Variants in LGR6 observed in about 807,000 individuals in gnomAD.
LGR6 encodes leucine rich repeat containing G protein-coupled receptor 6, also known as leucine-rich repeat-containing G protein-coupled receptor 6.
Under a neutral mutation model 69.4 loss-of-function variants are expected in LGR6, and 45 were observed. That is an observed-to-expected ratio of 0.65 (90% CI 0.51 to 0.83). The LOEUF is 0.83. LGR6 is among the 40% of genes least tolerant of loss of function. The pLI, the probability that LGR6 is intolerant of heterozygous loss-of-function variation, is 0.00. For synonymous variants in LGR6, 538 were observed against 555.0 expected (o/e 0.97, Z 0.43); for missense variants, 1,108 against 1,246.7 (o/e 0.89, Z 1.68).
intron 10 of LGR6, 73 bp from the exon 11 acceptor site, chr1:202,304,486 G>A (rs1667831748): frequency 9.1e-7 from 1 of 1,102,522 alleles, no homozygotes; most frequent in Non-Finnish European, 1.4e-6. Context: ...ATCAGGTCCA[G>A]AGCTGGAGCG....
chr1:202,216,476 C>T (rs1362684367), intron 1 of LGR6, among the ~76,000 whole-genome samples: 3 of 152,194 alleles, frequency 2.0e-5, no homozygotes, highest in African/African-American at 7.2e-5. Flanking sequence ...ATACAGGAGC[C>T]ACTATCTTTA....
At chr1:202,302,633 G>A (rs1258336737) in intron 9 of LGR6, among the ~76,000 whole-genome samples, 4 of 151,956 alleles carry the variant, frequency 2.6e-5, no homozygotes, top group Non-Finnish European at 4.4e-5. Context: ...TGCAACCTCC[G>A]CCTCCTGGGT....
At chr1:202,205,875 C>T in intron 1 of LGR6, among the ~76,000 whole-genome samples, 1 of 146,538 alleles carries the variant, frequency 6.8e-6, no homozygotes, top group South Asian at 2.2e-4. Flanking sequence ...AAACACACAC[C>T]CGTCCTTCAA....
chr1:202,203,977 A>T (rs1360978651), intron 1 of LGR6: 1 of 813,868 alleles, frequency 1.2e-6, no homozygotes, highest in Non-Finnish European at 2.2e-6. Flanking sequence ...TATGTTCACT[A>T]TGTCTTTGTA....
In LGR6 at chr1:202,318,072, G is replaced by A. The variant is rs1243165603; in HGVS notation, c.1769G>A (p.Gly590Glu). 2 of 1,614,058 alleles carry A rather than the reference G, an allele frequency of 1.2e-6. No homozygotes were observed. Among genetic ancestry groups the A allele is most frequent in the Admixed American group, 3.3e-5 (2 of 60,010 alleles). The change falls in exon 18 of 18, where the codon GGG (glycine) becomes GAG (glutamate). Residue 590 changes from glycine (G) to glutamate (E), a missense_variant. Gly to Glu is a moderately conservative substitution (Grantham distance 98). Transcript: ENST00000367278. ...GLVLLTVFAG[G>E]PVPLPPVKFV... is the part of the protein sequence containing the mutation. ...GTGCTGCTGACCGTGTTCGCTGGCG[G>A]GCCTGTCCCCCTGCCCCCGGTCAAG... is the stretch of plus-strand genomic sequence containing the variant.
chr1:202,193,951 C>A lies in LGR6; in HGVS notation c.-39C>A, dbSNP rs1012416262. 8.0e-6 allele frequency: 10 copies of A among 1,251,482 alleles called. No homozygotes were observed. The highest frequency in any genetic ancestry group is 1.6e-5 in the African/African-American group (1 of 63,060). 77.5% of individuals were successfully genotyped at this position (1,251,482 alleles called of 1,614,324 possible). A position where few individuals can be genotyped will look rare whatever the true frequency, so the allele number is the denominator to read the frequency against. ...CTGCGGCCATCGCGCCGTGCGTCCGCGCCCGGCCGCCAGGTGCCCCAGTAG... is the reference window on the plus strand; with the variant it reads ...CTGCGGCCATCGCGCCGTGCGTCCGAGCCCGGCCGCCAGGTGCCCCAGTAG... On this transcript the variant is annotated 5_prime_UTR_variant, in exon 1 of 18. Coordinates refer to ENST00000367278, the MANE Select transcript of LGR6 (RefSeq NM_001017403.2).
At position 202,261,278 on chromosome 1, in the gene LGR6, C is replaced by T. The variant is rs530395679; in HGVS notation, c.429-15028C>T. Among the ~76,000 whole-genome samples, 23 of 146,554 alleles carry T rather than the reference C, an allele frequency of 1.6e-4. No homozygotes were observed. In the South Asian group the frequency reaches 5.2e-3, roughly 33 times the overall value. ...TCCCCAGAGTGTGATGTTCCCCTTC[C>T]TGTGTCCATGTGTTCTCAGTGTTCA... On this transcript the variant is annotated intron_variant, in intron 4 of 17. Transcript: ENST00000367278.
At chr1:202,230,107 C>T (rs1660894886) in intron 3 of LGR6, among the ~76,000 whole-genome samples, 2 of 151,458 alleles carry the variant, frequency 1.3e-5, no homozygotes, top group South Asian at 2.1e-4. Flanking sequence ...TGAGTGGCCT[C>T]TTCTTATTTC....
chr1:202,311,385 C>T (rs145821123), intron 16 of LGR6, among the ~76,000 whole-genome samples: 130 of 152,290 alleles, frequency 8.5e-4, no homozygotes, highest in African/African-American at 2.9e-3. Flanking sequence ...ATTGGCTGGG[C>T]GCGGTGGCTC....
At chr1:202,297,315 A>G (rs1159814756) in intron 6 of LGR6, among the ~76,000 whole-genome samples, 193 bp from the exon 7 acceptor site, 1 of 152,178 alleles carries the variant, frequency 6.6e-6, no homozygotes, top group Non-Finnish European at 1.5e-5. Flanking sequence ...GGAAGATTCC[A>G]CGCCTGAGGA....
intron 16 of LGR6, 117 bp from the exon 17 acceptor site, chr1:202,314,685 G>T: frequency 2.7e-6 from 2 of 731,578 alleles, no homozygotes; most frequent in South Asian, 3.2e-5. Context: ...TTGCTAGAAT[G>T]AACAGTGCTG....
At chr1:202,296,937 A>G (rs894108400) in intron 6 of LGR6, among the ~76,000 whole-genome samples, 9 of 152,224 alleles carry the variant, frequency 5.9e-5, no homozygotes, top group Non-Finnish European at 1.0e-4. Flanking sequence ...AATTACCTTT[A>G]TAATTTTCTG....
In LGR6 at chr1:202,304,380, G is replaced by A. The variant is rs1477667030; in HGVS notation, c.999-179G>A. The stretch of plus-strand genomic sequence containing the variant: ...GCCCAAGGGAGCTTGGTGCTCAGAT[G>A]CCAGTGTCTGCTCGTTTTTGTCCCC... On this transcript the variant is annotated intron_variant, in intron 10 of 17. Coordinates refer to ENST00000367278, the MANE Select transcript of LGR6 (RefSeq NM_001017403.2). 4.6e-5 allele frequency among the ~76,000 whole-genome samples: 7 copies of A among 151,994 alleles called. No individual in the cohort carries two copies. The South Asian group carries it at 1.3e-3, about 27-fold the overall frequency.
rs902700573 is a variant in LGR6, at chr1:202,207,114, C to T, written c.212+12913C>T. Among the ~76,000 whole-genome samples the T allele has an allele frequency of 3.3e-5, 5 of 151,906 alleles. No individual in the cohort carries two copies. The East Asian group carries it at 5.8e-4, about 18-fold the overall frequency. On this transcript the variant is annotated intron_variant, in intron 1 of 17. Coordinates refer to ENST00000367278, the MANE Select transcript of LGR6 (RefSeq NM_001017403.2). The stretch of plus-strand genomic sequence containing the variant: ...TGTATTTTTAGTAGAGACGGGTTTT[C>T]GCCATGTGGCCAGGCTGGTCTCGAA...
Position 202,227,946 on chromosome 1 carries a change from G to A in LGR6, c.295G>A (p.Gly99Arg). The A allele has an allele frequency of 6.2e-7, 1 of 1,613,634 alleles. No individual in the cohort carries two copies. Among genetic ancestry groups the A allele is most frequent in the Non-Finnish European group, 8.5e-7 (1 of 1,179,646 alleles). Residue 99 changes from glycine (G) to arginine (R), a missense_variant, in exon 3 of 18, where the codon GGG (glycine) becomes AGG (arginine). Coordinates refer to ENST00000367278, the MANE Select transcript of LGR6 (RefSeq NM_001017403.2). ...LRFLEELRLSGNHLSHIPGQA... is the reference protein window; with the variant it reads ...LRFLEELRLSRNHLSHIPGQA... ...GTCTCTGATTTCCAGGCGTCTCTCT[G>A]GGAACCATCTCTCACACATCCCAGG... is the stretch of plus-strand genomic sequence containing the variant.
chr1:202,293,498 A>G (rs1042032977), intron 6 of LGR6, among the ~76,000 whole-genome samples: 12 of 151,844 alleles, frequency 7.9e-5, no homozygotes, highest in African/African-American at 2.7e-4. Flanking sequence ...TCTAGATAGG[A>G]GTGGGTTTTT....
chr1:202,214,295 T>C (rs1659610957), intron 1 of LGR6: 6 of 1,459,484 alleles, frequency 4.1e-6, no homozygotes, highest in Non-Finnish European at 4.5e-6. Context: ...TCCGCAGCCC[T>C]GGGGAGCAGG....
At chr1:202,276,211 A>G (rs1571945946) in intron 4 of LGR6, 95 bp from the exon 5 acceptor site, 1 of 958,018 alleles carries the variant, frequency 1.0e-6, no homozygotes, top group Non-Finnish European at 1.6e-6. Flanking sequence ...GGAGCCTCAA[A>G]GGCCCTGTTG....
chr1:202,255,089 C>T (rs1663655123), intron 4 of LGR6, among the ~76,000 whole-genome samples: 1 of 152,172 alleles, frequency 6.6e-6, no homozygotes. Flanking sequence ...TGCCTGCCCA[C>T]TTGAAGGAAG....
Sources: gnomAD v4.1 joint callset for allele counts (sites outside exome capture counted in the v4.1 genomes callset) on GRCh38, gnomAD v4.1.1 for gene constraint, MANE v1.5 for transcripts, NCBI Gene and HGNC (gene_info 2026-07-23, HGNC 2026-07-21) for gene names.